The following RNASET2 variants were observed in gnomAD, a reference collection of about 807,000 sequenced individuals.
The protein encoded by RNASET2 is ribonuclease 6.
RNASET2 carries 28 observed loss-of-function variants against 33.9 expected under a neutral mutation model. The ratio of observed to expected loss-of-function variants is 0.83; its 90% CI spans 0.61 to 1.13. The LOEUF (loss-of-function observed/expected upper bound fraction) is 1.13, where lower values mean the gene tolerates loss of function less well. RNASET2 is among the 50% of genes most tolerant of loss of function. RNASET2 has a pLI of 0.00. For missense variants in RNASET2, 330 were observed against 319.9 expected (o/e 1.03, Z -0.24); for synonymous variants, 123 against 121.0 (o/e 1.02, Z -0.11).
rs1335297111 is a variant in RNASET2 at position 166,925,069 on chromosome 6, C to A, written c.*4519G>T. Among the ~76,000 whole-genome samples, 1 of 146,766 alleles carries A rather than the reference C, an allele frequency of 6.8e-6. No homozygotes were observed. Among genetic ancestry groups the A allele is most frequent in the Non-Finnish European group, 1.5e-5 (1 of 66,586 alleles). ...TCTCCCACCCAGGCCTCTACCCAGT[C>A]ATCTAGGCATTCTCCCTGCCGTCTA... On this transcript the variant is annotated 3_prime_UTR_variant, in exon 9 of 9. Coordinates refer to ENST00000508775, the MANE Select transcript of RNASET2 (RefSeq NM_003730.6).
chr6:166,937,944 C>T (rs1042631048), intron 6 of RNASET2, among the ~76,000 whole-genome samples: 5 of 152,236 alleles, frequency 3.3e-5, no homozygotes, highest in Non-Finnish European at 7.3e-5. Flanking sequence ...TCAGATGACA[C>T]AGGAGACCAT....
In RNASET2 at chr6:166,925,199, C is replaced by CTCACCTCTGCTGTCCAGGCA. The variant is rs1778286615; in HGVS notation, c.*4369_*4388dup. The stretch of plus-strand genomic sequence containing the variant: ...CAGCCCTCACTCCTGCCGCCCAGCC[C>CTCACCTCTGCTGTCCAGGCA]TCACCTCTGCTGTCCAGGCATCACC... On this transcript the variant is annotated 3_prime_UTR_variant, in exon 9 of 9. Coordinates refer to ENST00000508775, the MANE Select transcript of RNASET2 (RefSeq NM_003730.6). Among the ~76,000 whole-genome samples the CTCACCTCTGCTGTCCAGGCA allele has an allele frequency of 1.4e-5, 2 of 145,186 alleles. No homozygotes were observed. The highest frequency in any genetic ancestry group is 3.9e-4 in the East Asian group (2 of 5,152).
At position 166,946,285 on chromosome 6, in the gene RNASET2, C is replaced by T. The variant is rs545510212; in HGVS notation, c.261+397G>A. Reference sequence around the variant, plus strand: ...TCTGAGCCTCAGCTGTCTGGAGATGCCTGGCGATATGGCACACCGACCAGA... The same window carrying T: ...TCTGAGCCTCAGCTGTCTGGAGATGTCTGGCGATATGGCACACCGACCAGA... On this transcript the variant is annotated intron_variant, in intron 4 of 8. Coordinates refer to ENST00000508775, the MANE Select transcript of RNASET2 (RefSeq NM_003730.6). 3.3e-4 allele frequency among the ~76,000 whole-genome samples: 50 copies of T among 152,358 alleles called. 1 individual carries two copies. The highest frequency in any genetic ancestry group is 6.0e-4 in the Non-Finnish European group (41 of 68,028).
At chr6:166,929,896 G>C (rs905965124) in intron 8 of RNASET2, 105 bp from the exon 9 acceptor site, 1 of 1,067,678 alleles carries the variant, frequency 9.4e-7, no homozygotes, top group African/African-American at 1.6e-5. Context: ...CAAAAGCAGA[G>C]GCTCCACACC....
At chr6:166,930,466 T>TAC (rs369381631) in intron 8 of RNASET2, among the ~76,000 whole-genome samples, 2,041 of 148,922 alleles carry the variant, frequency 0.014, 33 homozygotes, top group African/African-American at 0.047. Flanking sequence ...CACATGCATG[T>TAC]ACACACACAC....
chr6:166,955,226 C>CAG, intron 1 of RNASET2, among the ~76,000 whole-genome samples: 1 of 48,860 alleles, frequency 2.0e-5, no homozygotes, highest in Admixed American at 2.7e-4. Context: ...CACACGCGCA[C>CAG]ACACGCACGC....
chr6:166,929,446 A>T lies in RNASET2; in HGVS notation c.*142T>A, dbSNP rs1246795800. ...CGTGTACGCCACATGCACTCACTCT[A>T]CAGGGACCACAACATCCAATTCACA... On this transcript the variant is annotated 3_prime_UTR_variant, in exon 9 of 9. Coordinates refer to ENST00000508775, the MANE Select transcript of RNASET2 (RefSeq NM_003730.6). 1.6e-5 allele frequency: 14 copies of T among 888,250 alleles called. No individual in the cohort carries two copies. The highest frequency in any genetic ancestry group is 3.3e-4 in the Middle Eastern group (1 of 3,024). 55.0% of individuals were successfully genotyped at this position (888,250 alleles called of 1,614,324 possible). A position where few individuals can be genotyped will look rare whatever the true frequency, so the allele number is the denominator to read the frequency against.
intron 5 of RNASET2, among the ~76,000 whole-genome samples, chr6:166,941,542 G>C (rs1778693475): frequency 6.6e-6 from 1 of 152,084 alleles, no homozygotes; most frequent in Admixed American, 6.6e-5. Flanking sequence ...TGCAGAACAG[G>C]TGACTGAGAC....
intron 6 of RNASET2, among the ~76,000 whole-genome samples, chr6:166,937,524 G>A (rs1778597464): frequency 1.3e-5 from 2 of 152,176 alleles, no homozygotes; most frequent in South Asian, 2.1e-4. Flanking sequence ...AGAAAGCAAT[G>A]CTTCCTTTAT....
At chr6:166,940,634 A>T (rs886197618) in intron 5 of RNASET2, among the ~76,000 whole-genome samples, 4 of 152,154 alleles carry the variant, frequency 2.6e-5, no homozygotes, top group African/African-American at 9.7e-5. Flanking sequence ...ATAAACAGTA[A>T]ATGTCAGCCA....
intron 2 of RNASET2, among the ~76,000 whole-genome samples, chr6:166,949,518 A>G (rs1411312937): frequency 1.3e-5 from 2 of 151,434 alleles, no homozygotes; most frequent in East Asian, 1.9e-4. Context: ...AAAAAAAAAA[A>G]AAAAAAAGAA....
chr6:166,928,203 C>T lies in RNASET2; in HGVS notation c.*1385G>A, dbSNP rs1238364345. The stretch of plus-strand genomic sequence containing the variant: ...AGCTTGTTTCCAGAGGGCCAGAGGC[C>T]GTCCTGTGTCTCCTTTAATGCCTGC... On this transcript the variant is annotated 3_prime_UTR_variant, in exon 9 of 9. Coordinates refer to ENST00000508775, the MANE Select transcript of RNASET2 (RefSeq NM_003730.6). Among the ~76,000 whole-genome samples the T allele has an allele frequency of 2.0e-5, 3 of 152,224 alleles. No individual in the cohort carries two copies. The highest frequency in any genetic ancestry group is 4.4e-5 in the Non-Finnish European group (3 of 68,034).
At position 166,956,316 on chromosome 6, in the gene RNASET2, C is replaced by CGGA; in HGVS notation, c.-135_-134insTCC. 2.3e-6 allele frequency: 2 copies of CGGA among 878,784 alleles called. No individual in the cohort carries two copies. The highest frequency in any genetic ancestry group is 3.6e-6 in the Non-Finnish European group (2 of 548,750). 54.4% of individuals were successfully genotyped at this position (878,784 alleles called of 1,614,324 possible). On this transcript the variant is annotated 5_prime_UTR_variant, in exon 1 of 9. Transcript: ENST00000508775. ...CGCCGCGCTCCCTCCGCTGCAGCAG[C>CGGA]GGCCACCGGGTGCGCCCGGAGCCCT... is the stretch of plus-strand genomic sequence containing the variant.
chr6:166,941,246 A>G (rs1160472293), intron 5 of RNASET2, among the ~76,000 whole-genome samples: 1 of 152,238 alleles, frequency 6.6e-6, no homozygotes, highest in Admixed American at 6.5e-5. Context: ...GAGCCCAAAA[A>G]TAAATGCATA....
At chr6:166,949,488 A>G (rs4710145) in intron 2 of RNASET2, among the ~76,000 whole-genome samples, 74,850 of 129,738 alleles carry the variant, frequency 0.58, 23,363 homozygotes, top group African/African-American at 0.8. Context: ...GTGATAGAGC[A>G]AGACTCCATC....
Position 166,956,335 on chromosome 6 carries a change from G to C in RNASET2, c.-153C>G. ...CAGCAGCGGCCACCGGGTGCGCCCG[G>C]AGCCCTGGGACGGCCTAAACCAGTA... On this transcript the variant is annotated 5_prime_UTR_variant, in exon 1 of 9. Transcript: ENST00000508775. 1 of 744,406 alleles carries C rather than the reference G, an allele frequency of 1.3e-6. No individual in the cohort carries two copies. The highest frequency in any genetic ancestry group is 1.6e-5 in the South Asian group (1 of 61,688). 46.1% of individuals were successfully genotyped at this position (744,406 alleles called of 1,614,324 possible).
chr6:166,954,365 T>G (rs1779056505), intron 1 of RNASET2, among the ~76,000 whole-genome samples: 1 of 152,268 alleles, frequency 6.6e-6, no homozygotes, highest in Admixed American at 6.5e-5. Flanking sequence ...CAGCCTGTTT[T>G]ATGCTAATGT....
intron 7 of RNASET2, chr6:166,931,546 G>A: frequency 4.6e-6 from 1 of 219,234 alleles, no homozygotes; most frequent in African/African-American, 2.3e-5. Context: ...CCTCCCCACG[G>A]TGGACACATT....
At chr6:166,955,397 GCACACACA>G in intron 1 of RNASET2, 1 of 519,324 alleles carries the variant, frequency 1.9e-6, no homozygotes. Context: ...ACACACACGC[GCACACACA>G]CACGCGCACA....
Sources: allele counts gnomAD v4.1 joint callset (sites outside exome capture counted in the v4.1 genomes callset), GRCh38; gene constraint gnomAD v4.1.1; transcripts MANE v1.5; gene names NCBI Gene and HGNC (gene_info 2026-07-23, HGNC 2026-07-21).